VIPR2: variants seen among roughly 807,000 people sequenced by gnomAD.
VIPR2 encodes the protein vasoactive intestinal peptide receptor 2, also known as vasoactive intestinal polypeptide receptor 2.
A neutral mutation model predicts 58.0 loss-of-function variants in VIPR2; 48 were observed. The ratio of observed to expected loss-of-function variants is 0.83; its 90% CI spans 0.66 to 1.05. The LOEUF (loss-of-function observed/expected upper bound fraction) is 1.05. Among genes scored for constraint, VIPR2 ranks in the 50% least tolerant of loss-of-function variants. The pLI is 0.00. For synonymous variants in VIPR2, 243 were observed against 235.2 expected, an observed-to-expected ratio of 1.03 and a Z score of -0.30; for missense variants, 534 against 558.0, an observed-to-expected ratio of 0.96 and a Z score of 0.43.
At chr7:159,115,765 A>C (rs1796212909) in intron 2 of VIPR2, among the ~76,000 whole-genome samples, 1 of 152,140 alleles carries the variant, frequency 6.6e-6, no homozygotes, top group South Asian at 2.1e-4. Flanking sequence ...GGGTGCTGGG[A>C]ATGGAGGAAC....
chr7:159,144,424 C>G (rs967494801), intron 1 of VIPR2: 19 of 1,547,292 alleles, frequency 1.2e-5, no homozygotes, highest in Non-Finnish European at 1.6e-5. Flanking sequence ...ACGAGCTCAT[C>G]GTTGACGCGT....
chr7:159,102,323 C>A (rs943651394), intron 4 of VIPR2, among the ~76,000 whole-genome samples: 5 of 152,188 alleles, frequency 3.3e-5, no homozygotes, highest in African/African-American at 1.2e-4. Context: ...CTGATTCTCT[C>A]TTTCACCTGC....
rs966330322 is a variant in VIPR2 at position 159,096,399 on chromosome 7, G to T, written c.357+7358C>A. 1.3e-4 allele frequency among the ~76,000 whole-genome samples: 20 copies of T among 152,180 alleles called. No individual in the cohort carries two copies. Among genetic ancestry groups the T allele is most frequent in the Non-Finnish European group, 2.9e-4 (20 of 68,034 alleles). On this transcript the variant is annotated intron_variant, in intron 4 of 12. Transcript: ENST00000262178. This position sits in a 1 kb window ranked among gnomAD's most constrained non-coding sequence, Gnocchi z 5.5. ...GCACCGCTGTGTTTCCTACAGGTCC[G>T]CTGCCCTGTGCTGCACATCATCCTG...
At chr7:159,076,853 A>G (rs1585426609) in intron 4 of VIPR2, among the ~76,000 whole-genome samples, 2 of 152,348 alleles carry the variant, frequency 1.3e-5, no homozygotes, top group East Asian at 3.9e-4. Context: ...AGTTGTCAAT[A>G]TTAGTTATAA....
At chr7:159,035,272 C>A (rs1853859564) in intron 8 of VIPR2, among the ~76,000 whole-genome samples, 1 of 152,186 alleles carries the variant, frequency 6.6e-6, no homozygotes, top group Non-Finnish European at 1.5e-5. Context: ...AGCCTTCAGG[C>A]TGGTGCAGTC....
chr7:159,063,454 C>T (rs1045431284), intron 4 of VIPR2, among the ~76,000 whole-genome samples: 1 of 151,974 alleles, frequency 6.6e-6, no homozygotes, highest in Non-Finnish European at 1.5e-5. Flanking sequence ...ACCGAGCCCA[C>T]GAACTTGCGC....
In VIPR2 at chr7:159,098,774, A is replaced by C. The variant is rs997073587; in HGVS notation, c.357+4983T>G. On this transcript the variant is annotated intron_variant, in intron 4 of 12. Transcript: ENST00000262178. The surrounding 1 kb of genome is among the most constrained non-coding windows in gnomAD (Gnocchi z 5.2). The stretch of plus-strand genomic sequence containing the variant: ...TTTTCTCGAATTTAATTAATTTCGA[A>C]AACAATAAACAATAATGATTGCACA... 7.9e-5 allele frequency among the ~76,000 whole-genome samples: 12 copies of C among 152,214 alleles called. No individual in the cohort carries two copies. The highest frequency in any genetic ancestry group is 2.7e-4 in the African/African-American group (11 of 41,456).
chr7:159,088,472 C>T (rs1305137540), intron 4 of VIPR2, among the ~76,000 whole-genome samples: 4 of 152,160 alleles, frequency 2.6e-5, no homozygotes, highest in Non-Finnish European at 5.9e-5. Flanking sequence ...CACCTGCACA[C>T]CCACCGCAGC....
chr7:159,111,081 G>T (rs753488676), intron 2 of VIPR2, among the ~76,000 whole-genome samples: 1 of 152,170 alleles, frequency 6.6e-6, no homozygotes, highest in Non-Finnish European at 1.5e-5. Context: ...AACTCCAGGC[G>T]TGAGCCCCCG....
chr7:159,088,269 G>A (rs1336173790), intron 4 of VIPR2, among the ~76,000 whole-genome samples: 3 of 151,462 alleles, frequency 2.0e-5, no homozygotes, highest in African/African-American at 2.4e-5. Flanking sequence ...GCACAGCCAC[G>A]CACCTGCGAC....
At chr7:159,030,933 G>A in intron 12 of VIPR2, 144 bp from the exon 13 acceptor site, 2 of 1,145,516 alleles carry the variant, frequency 1.7e-6, no homozygotes, top group Non-Finnish European at 2.4e-6. Context: ...AAACAGAAAC[G>A]GCCTTGGGGG....
At position 159,128,917 on chromosome 7, in the gene VIPR2, A is replaced by C. The variant is rs1178361335; in HGVS notation, c.151+13529T>G. Among the ~76,000 whole-genome samples the C allele has an allele frequency of 6.6e-6, 1 of 152,052 alleles. No individual in the cohort carries two copies. Among genetic ancestry groups the C allele is most frequent in the Non-Finnish European group, 1.5e-5 (1 of 68,014 alleles). On this transcript the variant is annotated intron_variant, in intron 2 of 12. Transcript: ENST00000262178. The surrounding 1 kb of genome is among the most constrained non-coding windows in gnomAD (Gnocchi z 4.1). ...GCTTCTTCCATCTGCTGCACACCAA[A>C]GCCCACCACCCTTCAAGCTCCAGGG...
intron 4 of VIPR2, among the ~76,000 whole-genome samples, chr7:159,062,844 G>A (rs1477264325): frequency 8.1e-5 from 9 of 110,748 alleles, no homozygotes; most frequent in African/African-American, 2.5e-4. Context: ...TGATTGGTCT[G>A]TTTTACTGAG....
chr7:159,135,362 G>A (rs1797172393), intron 2 of VIPR2, among the ~76,000 whole-genome samples: 1 of 152,020 alleles, frequency 6.6e-6, no homozygotes, highest in African/African-American at 2.4e-5. Context: ...AACCCAGGAG[G>A]CAAAGGTTGC....
Position 159,137,011 on chromosome 7 carries a change from G to A in VIPR2, c.151+5435C>T, listed in dbSNP as rs536455222. Among the ~76,000 whole-genome samples, 3 of 152,262 alleles carry A rather than the reference G, an allele frequency of 2.0e-5. No individual in the cohort carries two copies. In the East Asian group the frequency reaches 5.8e-4, roughly 30 times the overall value. On this transcript the variant is annotated intron_variant, in intron 2 of 12. Coordinates refer to ENST00000262178, the MANE Select transcript of VIPR2 (RefSeq NM_003382.5). ...GGAGAAGGCAGAGAGGTATGCACCA[G>A]GAGAGGCCATCGACTGGTGGGAGCT...
At chr7:159,037,126 A>G (rs1854017967) in intron 6 of VIPR2, among the ~76,000 whole-genome samples, 1 of 152,204 alleles carries the variant, frequency 6.6e-6, no homozygotes. Context: ...GAGGAGGATC[A>G]CTGCAAACGC....
intron 2 of VIPR2, among the ~76,000 whole-genome samples, chr7:159,137,640 G>A (rs1797284143): frequency 6.6e-6 from 1 of 152,162 alleles, no homozygotes; most frequent in Non-Finnish European, 1.5e-5. Flanking sequence ...CAAAGTGCTG[G>A]GGTTACAGGC....
At chr7:159,082,255 C>T (rs990749966) in intron 4 of VIPR2, among the ~76,000 whole-genome samples, 29 of 152,168 alleles carry the variant, frequency 1.9e-4, no homozygotes, top group Non-Finnish European at 7.3e-5. Flanking sequence ...GAAAATGTGG[C>T]ACACATACAC....
At chr7:159,058,658 C>A in intron 4 of VIPR2, 80 bp from the exon 5 acceptor site, 1 of 1,102,078 alleles carries the variant, frequency 9.1e-7, no homozygotes, top group East Asian at 2.4e-5. Flanking sequence ...GGATCCAGCC[C>A]TGTGCTCTGG....
Sources: gnomAD v4.1 joint callset for allele counts (sites outside exome capture counted in the v4.1 genomes callset) on GRCh38, gnomAD v4.1.1 for gene constraint, Gnocchi (gnomAD v3.1) non-coding constraint, MANE v1.5 for transcripts, NCBI Gene and HGNC (gene_info 2026-07-23, HGNC 2026-07-21) for gene names.